SAMD5: variants seen among roughly 807,000 people sequenced by gnomAD.
SAMD5 encodes the protein sterile alpha motif domain containing 5.
SAMD5 carries 13 observed loss-of-function variants against 11.3 expected under a neutral mutation model. The ratio of observed to expected loss-of-function variants is 1.15; its 90% CI spans 0.75 to 1.83. The LOEUF (loss-of-function observed/expected upper bound fraction) is 1.83, where lower values mean the gene tolerates loss of function less well. Ranked by LOEUF, SAMD5 falls within the 40% of genes most tolerant of loss-of-function variation. The probability of loss-of-function intolerance (pLI) is 0.00; values close to 1 mark genes in which losing one functional copy is unlikely to be tolerated. For synonymous variants in SAMD5, 129 were observed against 111.3 expected, an observed-to-expected ratio of 1.16 and a Z score of -1.00; for missense variants, 255 against 239.1, an observed-to-expected ratio of 1.07 and a Z score of -0.44.
chr6:147,910,330 C>T, the SAMD5 span, among the ~76,000 whole-genome samples: 1 of 152,112 alleles, frequency 6.6e-6, no homozygotes, highest in East Asian at 1.9e-4. Flanking sequence ...TTCCTGACGT[C>T]ACACCGCTCT....
chr6:147,595,075 T>C (rs1390118630), intron 1 of SAMD5, among the ~76,000 whole-genome samples: 1 of 152,210 alleles, frequency 6.6e-6, no homozygotes, highest in Admixed American at 6.5e-5. Context: ...AGAATAAGTT[T>C]CATATACTAT....
chr6:147,837,633 C>T, the SAMD5 span, among the ~76,000 whole-genome samples: 7 of 152,156 alleles, frequency 4.6e-5, no homozygotes, highest in African/African-American at 1.7e-4. Flanking sequence ...CTGTGGAAGT[C>T]AAAGCAGAGA....
At chr6:147,585,128 C>T (rs927697914) in intron 1 of SAMD5, among the ~76,000 whole-genome samples, 3 of 152,124 alleles carry the variant, frequency 2.0e-5, no homozygotes, top group South Asian at 2.1e-4. Flanking sequence ...AGAGGTGTGT[C>T]GGGGCAGGCA....
Position 147,545,690 on chromosome 6 carries a change from A to T in SAMD5, c.460-18704A>T, listed in dbSNP as rs145402315. On this transcript the variant is annotated intron_variant, in intron 1 of 1. Transcript: ENST00000367474. The stretch of plus-strand genomic sequence containing the variant: ...TATAAATTTACATATATGTGTGTAT[A>T]TATTTATACTCAGGTGCACACAAGT... Among the ~76,000 whole-genome samples, 1,386 of 152,258 alleles carry T rather than the reference A, an allele frequency of 9.1e-3. 19 individuals carry two copies. Among genetic ancestry groups the T allele is most frequent in the African/African-American group, 0.032 (1,324 of 41,522 alleles).
intron 1 of SAMD5, among the ~76,000 whole-genome samples, chr6:147,537,361 T>G (rs1472971464): frequency 2.6e-5 from 4 of 152,154 alleles, no homozygotes; most frequent in Non-Finnish European, 5.9e-5. Flanking sequence ...TGTTAAATAT[T>G]AAAGGTTTAA....
chr6:147,639,064 GAT>G (rs982929963), intron 1 of SAMD5, among the ~76,000 whole-genome samples: 1 of 152,182 alleles, frequency 6.6e-6, no homozygotes, highest in African/African-American at 2.4e-5. Context: ...TGATTCTAAA[GAT>G]AGACAAGGCG....
the SAMD5 span, among the ~76,000 whole-genome samples, chr6:147,869,062 T>A: frequency 6.6e-6 from 1 of 152,222 alleles, no homozygotes; most frequent in Non-Finnish European, 1.5e-5. Context: ...TGTGACCATT[T>A]AAGTAAACAA....
chr6:147,818,711 C>G, the SAMD5 span, among the ~76,000 whole-genome samples: 1 of 152,170 alleles, frequency 6.6e-6, no homozygotes, highest in Non-Finnish European at 1.5e-5. Context: ...TGGCCCGGAC[C>G]TGTCTCTGGT....
At chr6:147,790,228 T>C in the SAMD5 span, among the ~76,000 whole-genome samples, 1 of 152,238 alleles carries the variant, frequency 6.6e-6, no homozygotes, top group Non-Finnish European at 1.5e-5. Flanking sequence ...TGGAATATTA[T>C]ACAGTGATAA....
At chr6:147,520,675 G>A (rs1378350656) in intron 1 of SAMD5, among the ~76,000 whole-genome samples, 1 of 152,062 alleles carries the variant, frequency 6.6e-6, no homozygotes, top group African/African-American at 2.4e-5. Flanking sequence ...ATGGATAAGA[G>A]TCAGGCTATT....
the SAMD5 span, among the ~76,000 whole-genome samples, chr6:147,933,460 A>G: frequency 2.0e-5 from 3 of 152,166 alleles, no homozygotes; most frequent in African/African-American, 7.2e-5. Context: ...ACAAACGTGT[A>G]GAGCTTGTAT....
At chr6:147,582,652 A>C (rs1465985535) in intron 1 of SAMD5, among the ~76,000 whole-genome samples, 1 of 152,196 alleles carries the variant, frequency 6.6e-6, no homozygotes, top group Non-Finnish European at 1.5e-5. Context: ...GCGGAGCTTT[A>C]GGTATTTCCC....
At chr6:147,522,655 T>C (rs899479026) in intron 1 of SAMD5, among the ~76,000 whole-genome samples, 4 of 152,224 alleles carry the variant, frequency 2.6e-5, no homozygotes, top group South Asian at 2.1e-4. Context: ...ACTATATATC[T>C]TTTCTTTCAT....
intron 1 of SAMD5, among the ~76,000 whole-genome samples, chr6:147,699,739 A>C (rs188124842): frequency 6.6e-6 from 1 of 152,326 alleles, no homozygotes; most frequent in Admixed American, 6.5e-5. Context: ...GCTAGTTATT[A>C]ACCAGCGAGT....
chr6:147,753,254 G>C, the SAMD5 span, among the ~76,000 whole-genome samples: 2 of 152,196 alleles, frequency 1.3e-5, no homozygotes, highest in Non-Finnish European at 2.9e-5. Context: ...TCCAGGAGTA[G>C]AGGAATTTGT....
At chr6:147,917,656 G>T in the SAMD5 span, among the ~76,000 whole-genome samples, 1 of 152,164 alleles carries the variant, frequency 6.6e-6, no homozygotes. Flanking sequence ...GAATGGTATT[G>T]CCTAGGTTTT....
At chr6:147,560,446 C>T (rs1230642229) in intron 1 of SAMD5, among the ~76,000 whole-genome samples, 1 of 152,172 alleles carries the variant, frequency 6.6e-6, no homozygotes, top group Non-Finnish European at 1.5e-5. Context: ...AAATTGTATG[C>T]AAATTTCATA....
the SAMD5 span, among the ~76,000 whole-genome samples, chr6:147,952,822 A>G: frequency 3.9e-5 from 6 of 152,112 alleles, no homozygotes; most frequent in Non-Finnish European, 7.4e-5. Flanking sequence ...CCCTTTTTTG[A>G]TGATCTTTGA....
the SAMD5 span, among the ~76,000 whole-genome samples, chr6:147,803,898 A>G: frequency 1.3e-5 from 2 of 152,100 alleles, no homozygotes; most frequent in East Asian, 3.9e-4. Context: ...GTGTTCTTTG[A>G]CACCTCCATC....
Sources: allele counts gnomAD v4.1 joint callset (sites outside exome capture counted in the v4.1 genomes callset), GRCh38; gene constraint gnomAD v4.1.1; transcripts MANE v1.5; gene names NCBI Gene and HGNC (gene_info 2026-07-23, HGNC 2026-07-21).